DAPK1: variants seen among roughly 807,000 people sequenced by gnomAD.
DAPK1 encodes the protein death-associated protein kinase 1.
DAPK1 carries 56 observed loss-of-function variants against 144.9 expected under a neutral mutation model. The observed-to-expected ratio is 0.39, with a 90% CI of 0.31 to 0.48. The LOEUF (loss-of-function observed/expected upper bound fraction) is 0.48. Among genes scored for constraint, DAPK1 ranks in the 20% least tolerant of loss-of-function variants. DAPK1 has a pLI of 0.95. For missense variants in DAPK1, 1,454 were observed against 1,875.4 expected (o/e 0.78, Z 4.15); for synonymous variants, 690 against 749.0 (o/e 0.92, Z 1.29).
intron 2 of DAPK1, among the ~76,000 whole-genome samples, chr9:87,600,351 C>T (rs553718447): frequency 1.3e-5 from 2 of 152,130 alleles, no homozygotes; most frequent in African/African-American, 4.8e-5. Context: ...TTTGGGTGGC[C>T]GAGGTGGGAG....
chr9:87,568,523 ATCT>A (rs1049715226), intron 2 of DAPK1, among the ~76,000 whole-genome samples: 1 of 152,192 alleles, frequency 6.6e-6, no homozygotes, highest in Non-Finnish European at 1.5e-5. Context: ...TCATGGAGTC[ATCT>A]TCTTGTGCCT....
At chr9:87,610,543 T>C (rs1828886042) in intron 3 of DAPK1, among the ~76,000 whole-genome samples, 1 of 152,270 alleles carries the variant, frequency 6.6e-6, no homozygotes, top group South Asian at 2.1e-4. Flanking sequence ...AACTTGCTGC[T>C]CAGAAACAGC....
chr9:87,632,122 G>A (rs1564032532), intron 3 of DAPK1: 10 of 630,130 alleles, frequency 1.6e-5, no homozygotes, highest in Non-Finnish European at 1.6e-5. Context: ...ATGTGTGTGT[G>A]TATATATATA....
intron 15 of DAPK1, among the ~76,000 whole-genome samples, chr9:87,649,571 A>G (rs1830375158): frequency 6.6e-6 from 1 of 152,214 alleles, no homozygotes; most frequent in South Asian, 2.1e-4. Context: ...GCTGCAATGC[A>G]CCTGCACGAA....
intron 2 of DAPK1, among the ~76,000 whole-genome samples, chr9:87,579,883 AC>A (rs1408458441): frequency 1.3e-5 from 2 of 152,110 alleles, no homozygotes; most frequent in Non-Finnish European, 2.9e-5. Context: ...GTATTATCCA[AC>A]CTACTACTAG....
At chr9:87,671,883 C>A (rs566365336) in intron 19 of DAPK1, among the ~76,000 whole-genome samples, 1 of 152,066 alleles carries the variant, frequency 6.6e-6, no homozygotes, top group Non-Finnish European at 1.5e-5. Context: ...AGTGAAAAGT[C>A]CCCCCTCATC....
At chr9:87,675,896 C>CACACACACACACACACACACACACA (rs1554702840) in intron 19 of DAPK1, among the ~76,000 whole-genome samples, 10 of 141,582 alleles carry the variant, frequency 7.1e-5, no homozygotes, top group African/African-American at 2.1e-4. Flanking sequence ...CACACACACA[C>CACACACACACACACACACACACACA]CCTTATGACC....
At chr9:87,693,385 C>A (rs1214162898) in intron 21 of DAPK1, among the ~76,000 whole-genome samples, 1 of 151,504 alleles carries the variant, frequency 6.6e-6, no homozygotes, top group African/African-American at 2.4e-5. Flanking sequence ...AATAAATTTT[C>A]TGTTTTATTC....
intron 3 of DAPK1, among the ~76,000 whole-genome samples, chr9:87,612,160 TA>T (rs1454306811): frequency 6.6e-6 from 1 of 152,156 alleles, no homozygotes; most frequent in Non-Finnish European, 1.5e-5. Flanking sequence ...AATTTCTTCT[TA>T]AAGTCCCTAC....
rs71508556 is a variant in DAPK1 at position 87,514,648 on chromosome 9, C to T, written c.62+15509C>T. ...ATGAATGAATGATGGAAGGAGGGTTCGCATTAATTGTTGGATTGAACAAAG... is the reference window on the plus strand; with the variant it reads ...ATGAATGAATGATGGAAGGAGGGTTTGCATTAATTGTTGGATTGAACAAAG... On this transcript the variant is annotated intron_variant, in intron 2 of 25. Coordinates refer to ENST00000408954, the MANE Select transcript of DAPK1 (RefSeq NM_004938.4). 6.9e-3 allele frequency among the ~76,000 whole-genome samples: 1,050 copies of T among 152,204 alleles called. 4 individuals carry two copies. The highest frequency in any genetic ancestry group is 0.01 in the Non-Finnish European group (686 of 68,014).
intron 2 of DAPK1, among the ~76,000 whole-genome samples, chr9:87,592,354 G>A (rs1828169051): frequency 2.0e-5 from 3 of 152,126 alleles, no homozygotes; most frequent in Non-Finnish European, 4.4e-5. Context: ...CCTGCCAGGG[G>A]ATTATGTTTC....
chr9:87,529,741 G>A (rs1364626154), intron 2 of DAPK1, among the ~76,000 whole-genome samples: 2 of 152,258 alleles, frequency 1.3e-5, no homozygotes, highest in African/African-American at 4.8e-5. Context: ...GCTGCCTGGA[G>A]CAAAGAAGCC....
At chr9:87,595,432 G>A (rs1464545829) in intron 2 of DAPK1, among the ~76,000 whole-genome samples, 1 of 152,138 alleles carries the variant, frequency 6.6e-6, no homozygotes, top group African/African-American at 2.4e-5. Context: ...CCTGCAAAGA[G>A]GTATCATAGG....
intron 10 of DAPK1, 134 bp downstream of exon 10, chr9:87,642,192 G>T: frequency 1.7e-6 from 1 of 587,620 alleles, no homozygotes; most frequent in Non-Finnish European, 2.9e-6. Context: ...ACCCTGTAGT[G>T]TTCTGCACCA....
chr9:87,633,484 G>T, intron 3 of DAPK1: 1 of 554,994 alleles, frequency 1.8e-6, no homozygotes, highest in Non-Finnish European at 2.3e-6. Context: ...GGACAGCCAT[G>T]ACATGGACTG....
rs573274092 is a variant in DAPK1, at chr9:87,580,918, G to A, written c.63-24036G>A. 3.9e-5 allele frequency among the ~76,000 whole-genome samples: 6 copies of A among 152,280 alleles called. No homozygotes were observed. In the South Asian group the frequency reaches 1.0e-3, roughly 26 times the overall value. On this transcript the variant is annotated intron_variant, in intron 2 of 25. Coordinates refer to ENST00000408954, the MANE Select transcript of DAPK1 (RefSeq NM_004938.4). ...GTGAATGTTTGATCATTATTTTAAC[G>A]TGTGCCCTTTGTACAACTTGACATT...
At chr9:87,598,600 G>C (rs1043818527) in intron 2 of DAPK1, among the ~76,000 whole-genome samples, 8 of 152,144 alleles carry the variant, frequency 5.3e-5, no homozygotes, top group Non-Finnish European at 5.9e-5. Context: ...ATGCAGCAGA[G>C]ACATTAATTG....
intron 2 of DAPK1, among the ~76,000 whole-genome samples, chr9:87,584,367 G>C (rs1827863257): frequency 1.3e-5 from 2 of 152,124 alleles, no homozygotes; most frequent in South Asian, 4.1e-4. Flanking sequence ...ATCCACTGAT[G>C]ATTGATTCCA....
At chr9:87,587,726 A>G (rs1385545938) in intron 2 of DAPK1, among the ~76,000 whole-genome samples, 1 of 152,260 alleles carries the variant, frequency 6.6e-6, no homozygotes, top group Non-Finnish European at 1.5e-5. Flanking sequence ...CCACTGCCAC[A>G]TGCCGAGGTG....
Sources: allele counts gnomAD v4.1 joint callset (sites outside exome capture counted in the v4.1 genomes callset), GRCh38; gene constraint gnomAD v4.1.1; transcripts MANE v1.5; gene names NCBI Gene and HGNC (gene_info 2026-07-23, HGNC 2026-07-21).